OTOA: variants seen among roughly 807,000 people sequenced by gnomAD.
OTOA encodes the protein cancer/testis antigen 108.
OTOA carries 70 observed loss-of-function variants against 110.8 expected under a neutral mutation model. The observed-to-expected ratio is 0.63, with a 90% CI of 0.52 to 0.77. The LOEUF (loss-of-function observed/expected upper bound fraction) is 0.77, where lower values mean the gene tolerates loss of function less well. OTOA is among the 30% of genes least tolerant of loss of function. OTOA has a pLI of 0.00. For synonymous variants in OTOA, 373 were observed against 431.5 expected, an observed-to-expected ratio of 0.86 and a Z score of 1.68; for missense variants, 917 against 1,075.8, an observed-to-expected ratio of 0.85 and a Z score of 2.06.
Position 21,702,586 on chromosome 16 carries a change from GGA to G in OTOA, c.980+1562_980+1563del, listed in dbSNP as rs1898074674. ...CTTCCGCTTCCCCATCTGTAAAATGGGAGATAAAAATATGCCTACTGCATTAA... is the reference window on the plus strand; with the variant it reads ...CTTCCGCTTCCCCATCTGTAAAATGGGATAAAAATATGCCTACTGCATTAA... On this transcript the variant is annotated intron_variant, in intron 11 of 28. Coordinates refer to ENST00000646100, the MANE Select transcript of OTOA (RefSeq NM_144672.4). 3.9e-5 allele frequency among the ~76,000 whole-genome samples: 6 copies of G among 152,268 alleles called. No homozygotes were observed. The South Asian group carries it at 1.2e-3, about 32-fold the overall frequency.
chr16:21,760,546 C>T lies in OTOA; in HGVS notation c.*6C>T, dbSNP rs1900139045. On this transcript the variant is annotated 3_prime_UTR_variant, in exon 29 of 29. Transcript: ENST00000646100. Reference sequence around the variant, plus strand: ...TGGCCAAGCTCCTGTGGTGAGTGGCCTGAGCGCATCGTCCTGTGTTGCCCC... The same window carrying T: ...TGGCCAAGCTCCTGTGGTGAGTGGCTTGAGCGCATCGTCCTGTGTTGCCCC... The T allele has an allele frequency of 1.2e-6, 2 of 1,605,390 alleles. No homozygotes were observed. Among genetic ancestry groups the T allele is most frequent in the Non-Finnish European group, 1.7e-6 (2 of 1,176,652 alleles).
chr16:21,707,661 T>TTC (rs1306910172), intron 12 of OTOA, among the ~76,000 whole-genome samples: 20 of 125,524 alleles, frequency 1.6e-4, no homozygotes, highest in African/African-American at 5.4e-4. Context: ...TTCTTTCTCT[T>TTC]TCTTTCTCTT....
chr16:21,699,873 T>C (rs1898016961), intron 10 of OTOA, among the ~76,000 whole-genome samples: 1 of 151,880 alleles, frequency 6.6e-6, no homozygotes, highest in Non-Finnish European at 1.5e-5. Context: ...GAGCTGAGAT[T>C]GTGCCACTGC....
Position 21,691,061 on chromosome 16 carries a change from C to T in OTOA, c.636-523C>T, listed in dbSNP as rs923414468. On this transcript the variant is annotated intron_variant, in intron 8 of 28. Coordinates refer to ENST00000646100, the MANE Select transcript of OTOA (RefSeq NM_144672.4). Reference sequence around the variant, plus strand: ...ATTCCCACCTATGAGTGAGAACATGCGGTGTTTGGTTTTCTGTCCTTGTGA... The same window carrying T: ...ATTCCCACCTATGAGTGAGAACATGTGGTGTTTGGTTTTCTGTCCTTGTGA... Among the ~76,000 whole-genome samples the T allele has an allele frequency of 1.2e-4, 18 of 146,792 alleles. 1 individual carries two copies. Among genetic ancestry groups the T allele is most frequent in the East Asian group, 4.1e-4 (2 of 4,828 alleles).
chr16:21,736,802 G>T (rs1449177091), intron 22 of OTOA, among the ~76,000 whole-genome samples: 21 of 152,266 alleles, frequency 1.4e-4, no homozygotes, highest in Non-Finnish European at 2.8e-4. Context: ...CTGCACTCCA[G>T]CCTGGGTGAC....
rs146093353 is a variant in OTOA at position 21,716,805 on chromosome 16, CG to C, written c.1489-99del. 3.6e-3 allele frequency: 4,956 copies of C among 1,378,644 alleles called. 169 individuals are homozygous for C. The African/African-American group carries it at 0.062, about 17-fold the overall frequency. The allele number at this position is 1,378,644 out of a possible 1,614,324, so 85.4% of individuals were successfully genotyped here. A position where few individuals can be genotyped will look rare whatever the true frequency, so the allele number is the denominator to read the frequency against. ...CTCTCCACTTCCTAGGGTTGCTGAG[CG>C]GGTCTGATGGATTTTATTGCCTGTG... is the stretch of plus-strand genomic sequence containing the variant. On this transcript the variant is annotated intron_variant, in intron 14 of 28. Transcript: ENST00000646100.
In OTOA at chr16:21,699,205, G is replaced by A. The variant is rs553796827; in HGVS notation, c.840+1330G>A. The stretch of plus-strand genomic sequence containing the variant: ...ACCTCAGGTGATCTGCCTTGCCTCA[G>A]CCTCCCAAAGTGCTGGTATTACAGG... On this transcript the variant is annotated intron_variant, in intron 10 of 28. Transcript: ENST00000646100. Among the ~76,000 whole-genome samples the A allele has an allele frequency of 7.2e-5, 11 of 152,132 alleles. 1 individual carries two copies. The East Asian group carries it at 2.1e-3, about 30-fold the overall frequency.
chr16:21,725,308 G>A (rs868041803), intron 18 of OTOA, among the ~76,000 whole-genome samples: 3 of 151,426 alleles, frequency 2.0e-5, no homozygotes, highest in Non-Finnish European at 4.4e-5. Context: ...GTTTTGAGAC[G>A]GGGTCCCATT....
intron 15 of OTOA, among the ~76,000 whole-genome samples, chr16:21,718,197 A>T (rs1289087037): frequency 6.6e-6 from 1 of 152,134 alleles, no homozygotes; most frequent in Non-Finnish European, 1.5e-5. Context: ...ACCTCAAGTG[A>T]TCTGCCCGCC....
At chr16:21,706,971 G>A (rs974745029) in intron 12 of OTOA, among the ~76,000 whole-genome samples, 14 of 150,584 alleles carry the variant, frequency 9.3e-5, no homozygotes, top group African/African-American at 2.2e-4. Context: ...TGCAACCTTC[G>A]CCTTGCCTCA....
chr16:21,715,266 T>G, intron 14 of OTOA, 114 bp downstream of exon 14: 1 of 1,444,100 alleles, frequency 6.9e-7, no homozygotes, highest in South Asian at 1.1e-5. Context: ...GTCTCAGCTG[T>G]TGGTGTCTGG....
At chr16:21,722,274 A>G (rs1002268839) in intron 17 of OTOA, among the ~76,000 whole-genome samples, 1 of 82,004 alleles carries the variant, frequency 1.2e-5, no homozygotes, top group South Asian at 2.8e-4. Context: ...AAAAAACAAA[A>G]AAAAAAAACA....
intron 1 of OTOA, among the ~76,000 whole-genome samples, chr16:21,668,695 CAA>C (rs1966845293): frequency 6.6e-6 from 1 of 151,652 alleles, no homozygotes. Context: ...CTCCTGACCT[CAA>C]GTGATCTGCC....
intron 13 of OTOA, among the ~76,000 whole-genome samples, chr16:21,710,671 C>T (rs1260876755): frequency 6.6e-6 from 1 of 152,172 alleles, no homozygotes; most frequent in Non-Finnish European, 1.5e-5. Flanking sequence ...GCTATTTTCA[C>T]TTTGACTCAG....
chr16:21,706,932 C>A (rs543013689), intron 12 of OTOA, among the ~76,000 whole-genome samples: 1 of 151,106 alleles, frequency 6.6e-6, no homozygotes, highest in Non-Finnish European at 1.5e-5. Flanking sequence ...CTCCACCTTC[C>A]GGGTTCAAGT....
Position 21,730,853 on chromosome 16 carries a change from A to T in OTOA, c.2224A>T (p.Thr742Ser). 1 of 1,573,678 alleles carries T rather than the reference A, an allele frequency of 6.4e-7. No individual in the cohort carries two copies. ...TCTTTTTAGACTCCCTCAGCACTGGACAGCCGAGACCACGAAGGACTTGGG... is the reference window on the plus strand; with the variant it reads ...TCTTTTTAGACTCCCTCAGCACTGGTCAGCCGAGACCACGAAGGACTTGGG... The part of the protein sequence containing the change: ...LGQYGLPQHW[T>S]AETTKDLGPF... The change falls in exon 21 of 29, where the codon ACA becomes TCA. Residue 742 changes from threonine (T) to serine (S), a missense_variant. By Grantham distance (58) the Thr-to-Ser change is moderately conservative. Around this residue, in one of 6 missense-constraint regions of OTOA, gnomAD observed 840 missense variants for 910.2 expected, o/e 0.92. Coordinates refer to ENST00000646100, the MANE Select transcript of OTOA (RefSeq NM_144672.4).
chr16:21,674,623 T>C (rs1966853704), intron 1 of OTOA, among the ~76,000 whole-genome samples: 1 of 151,044 alleles, frequency 6.6e-6, no homozygotes, highest in Non-Finnish European at 1.5e-5. Flanking sequence ...CATGATTCAC[T>C]GCGCCTGGCT....
chr16:21,728,548 T>C, intron 20 of OTOA, 117 bp downstream of exon 20: 2 of 1,264,990 alleles, frequency 1.6e-6, no homozygotes, highest in Non-Finnish European at 2.2e-6. Context: ...ATAAAATTCT[T>C]ATGCTTATTT....
At chr16:21,695,692 G>A (rs1486484531) in intron 9 of OTOA, among the ~76,000 whole-genome samples, 1 of 151,468 alleles carries the variant, frequency 6.6e-6, no homozygotes. Context: ...CACGGCTTCT[G>A]CAAATAGCTC....
Sources: gnomAD v4.1 joint callset for allele counts (sites outside exome capture counted in the v4.1 genomes callset) on GRCh38, gnomAD v4.1.1 for gene constraint, gnomAD v4.1.1 regional missense constraint, MANE v1.5 for transcripts, NCBI Gene and HGNC (gene_info 2026-07-23, HGNC 2026-07-21) for gene names.